Variants in KDM4B observed in about 807,000 individuals in gnomAD.
KDM4B encodes lysine demethylase 4B, also known as lysine-specific demethylase 4B.
A neutral mutation model predicts 125.2 loss-of-function variants in KDM4B; 32 were observed. The ratio of observed to expected loss-of-function variants is 0.26; its 90% CI spans 0.19 to 0.34. The LOEUF is 0.34. KDM4B is among the 10% of genes least tolerant of loss of function. The pLI, the probability that KDM4B is intolerant of heterozygous loss-of-function variation, is 1.00. For synonymous variants in KDM4B, 721 were observed against 677.9 expected, an observed-to-expected ratio of 1.06 and a Z score of -0.99; for missense variants, 1,190 against 1,577.7, an observed-to-expected ratio of 0.75 and a Z score of 4.16.
intron 6 of KDM4B, among the ~76,000 whole-genome samples, chr19:5,054,951 T>G (rs2037349911): frequency 6.6e-6 from 1 of 152,236 alleles, no homozygotes; most frequent in African/African-American, 2.4e-5. Context: ...GAAGCTGGCT[T>G]TGGCGTTCAA....
chr19:5,044,640 T>C (rs1460896343), intron 5 of KDM4B, among the ~76,000 whole-genome samples: 2 of 152,130 alleles, frequency 1.3e-5, no homozygotes, highest in African/African-American at 4.8e-5. Flanking sequence ...CCTTGCCTCC[T>C]GGGTTCAAGC....
chr19:5,143,772 G>A (rs1209425078), intron 18 of KDM4B, among the ~76,000 whole-genome samples, 195 bp from the exon 19 acceptor site: 2 of 152,190 alleles, frequency 1.3e-5, no homozygotes, highest in African/African-American at 2.4e-5. Flanking sequence ...CAGGAGGCTG[G>A]GTCAGTGGGT....
intron 6 of KDM4B, among the ~76,000 whole-genome samples, chr19:5,049,125 G>A (rs1008094634): frequency 1.2e-4 from 18 of 152,178 alleles, no homozygotes; most frequent in Non-Finnish European, 4.4e-5. Context: ...GGGCCTCTGC[G>A]GGAGGAGGCG....
chr19:5,016,845 C>T (rs187962937), intron 2 of KDM4B, among the ~76,000 whole-genome samples: 1 of 152,336 alleles, frequency 6.6e-6, no homozygotes, highest in Non-Finnish European at 1.5e-5. Context: ...TTGTGCCTTT[C>T]TTATAAGCCG....
At chr19:5,128,343 C>T (rs983481297) in intron 11 of KDM4B, among the ~76,000 whole-genome samples, 2 of 152,196 alleles carry the variant, frequency 1.3e-5, no homozygotes, top group African/African-American at 4.8e-5. Flanking sequence ...CTGAGACCAT[C>T]GATGCCCCAG....
intron 6 of KDM4B, 37 bp downstream of exon 6, chr19:5,047,706 G>A (rs772692299): frequency 2.6e-5 from 41 of 1,597,786 alleles, no homozygotes; most frequent in Non-Finnish European, 3.2e-5. Context: ...CGGCCGGACC[G>A]AGAGCCCCTC....
At chr19:5,138,503 A>C in intron 18 of KDM4B, 1 of 169,378 alleles carries the variant, frequency 5.9e-6, no homozygotes. Flanking sequence ...AAAAATAAAA[A>C]ACACTAGCTG....
chr19:4,989,631 A>G (rs1599366229), intron 1 of KDM4B, among the ~76,000 whole-genome samples: 2 of 149,802 alleles, frequency 1.3e-5, no homozygotes, highest in Non-Finnish European at 3.0e-5. Flanking sequence ...ATGAGCCACC[A>G]TGCCCAGTCT....
chr19:5,121,529 A>G (rs930606455), intron 11 of KDM4B, among the ~76,000 whole-genome samples: 1 of 152,080 alleles, frequency 6.6e-6, no homozygotes, highest in African/African-American at 2.4e-5. Flanking sequence ...CAGAAACCCA[A>G]TCTCGCCCCT....
At chr19:5,067,414 G>A (rs1276802811) in intron 6 of KDM4B, among the ~76,000 whole-genome samples, 2 of 152,236 alleles carry the variant, frequency 1.3e-5, no homozygotes, top group African/African-American at 4.8e-5. Flanking sequence ...GGCTTAGGGA[G>A]AGCTGATGGC....
At chr19:5,104,451 A>G (rs921307113) in intron 9 of KDM4B, among the ~76,000 whole-genome samples, 1 of 152,044 alleles carries the variant, frequency 6.6e-6, no homozygotes, top group East Asian at 1.9e-4. Flanking sequence ...TTTTATGGCC[A>G]CAATTGCAGA....
At chr19:5,024,519 G>A (rs747110539) in intron 2 of KDM4B, among the ~76,000 whole-genome samples, 1 of 152,120 alleles carries the variant, frequency 6.6e-6, no homozygotes, top group Non-Finnish European at 1.5e-5. Flanking sequence ...CAGAGGAGCT[G>A]TCCAGGACAG....
intron 1 of KDM4B, among the ~76,000 whole-genome samples, chr19:5,004,020 G>A (rs896290343): frequency 6.6e-6 from 1 of 152,112 alleles, no homozygotes; most frequent in Non-Finnish European, 1.5e-5. Flanking sequence ...GTCCTGTTTC[G>A]TGTTATTTTT....
Position 5,153,196 on chromosome 19 carries a change from C to CCGGGGT in KDM4B, c.*1691_*1696dup, listed in dbSNP as rs2039976814. 6.6e-6 allele frequency: 1 copy of CCGGGGT among 150,724 alleles called. No homozygotes were observed. Among genetic ancestry groups the CCGGGGT allele is most frequent in the Non-Finnish European group, 1.5e-5 (1 of 67,720 alleles). The allele number at this position is 150,724 out of a possible 1,614,324, so 9.3% of individuals were successfully genotyped here. A position where few individuals can be genotyped will look rare whatever the true frequency, so the allele number is the denominator to read the frequency against. ...AGGGGGGCGGTTGCCCTGGAGAGGG[C>CCGGGGT]CGGGGTCGGGGAGGTTGGGGGGTGT... On this transcript the variant is annotated 3_prime_UTR_variant, in exon 23 of 23. Transcript: ENST00000159111.
intron 6 of KDM4B, among the ~76,000 whole-genome samples, chr19:5,064,948 C>T (rs1386568369): frequency 2.0e-5 from 3 of 152,236 alleles, no homozygotes; most frequent in East Asian, 1.9e-4. Flanking sequence ...CATTGCCTGC[C>T]CATGGCTGGC....
chr19:4,986,212 C>G (rs996269838), intron 1 of KDM4B, among the ~76,000 whole-genome samples: 1 of 152,196 alleles, frequency 6.6e-6, no homozygotes, highest in Non-Finnish European at 1.5e-5. Context: ...ATGTCTGCGG[C>G]CTCACAGGGG....
rs1316495606 is a variant in KDM4B, at chr19:4,969,250, G to T, written c.-109+20G>T. The T allele has an allele frequency of 6.8e-6, 1 of 147,434 alleles. No homozygotes were observed. The highest frequency in any genetic ancestry group is 2.4e-5 in the African/African-American group (1 of 40,900). The allele number at this position is 147,434 out of a possible 1,614,324, so 9.1% of individuals were successfully genotyped here. Reference sequence around the variant, plus strand: ...CCTCAGGTGAGCCCACGGGGAGGCCGCCCGGCCGTGTCCGAGCGCGGACCC... The same window carrying T: ...CCTCAGGTGAGCCCACGGGGAGGCCTCCCGGCCGTGTCCGAGCGCGGACCC... On this transcript the variant is annotated intron_variant, in intron 1 of 22. Coordinates refer to ENST00000159111, the MANE Select transcript of KDM4B (RefSeq NM_015015.3).
intron 1 of KDM4B, among the ~76,000 whole-genome samples, chr19:4,976,021 G>A (rs1388699065): frequency 6.6e-6 from 1 of 151,514 alleles, no homozygotes; most frequent in Admixed American, 6.6e-5. Context: ...AGGCCGAGGC[G>A]GGTGGATCAC....
At position 5,035,880 on chromosome 19, in the gene KDM4B, T is replaced by TGTGTGTGTGTGTGTGC. The variant is rs58219404; in HGVS notation, c.141+2850_141+2851insTGTGTGTGTGTGTGCG. On this transcript the variant is annotated intron_variant, in intron 3 of 22. Transcript: ENST00000159111. This position sits in a 1 kb window ranked among gnomAD's most constrained non-coding sequence, Gnocchi z 5.3. ...ACGTGTCTCTGTGTGTGTGTGTGTG[T>TGTGTGTGTGTGTGTGC]GCGCGCGCGCGCGCGCCTGCGCGCA... is the stretch of plus-strand genomic sequence containing the variant. 7.2e-3 allele frequency among the ~76,000 whole-genome samples: 986 copies of TGTGTGTGTGTGTGTGC among 136,458 alleles called. 24 individuals carry two copies. Among genetic ancestry groups the TGTGTGTGTGTGTGTGC allele is most frequent in the Admixed American group, 0.05 (714 of 14,214 alleles). The allele number at this position is 136,458 out of a possible 152,430, so 89.5% of individuals were successfully genotyped here.
Sources: gnomAD v4.1 joint callset for allele counts (sites outside exome capture counted in the v4.1 genomes callset) on GRCh38, gnomAD v4.1.1 for gene constraint, Gnocchi (gnomAD v3.1) non-coding constraint, MANE v1.5 for transcripts, NCBI Gene and HGNC (gene_info 2026-07-23, HGNC 2026-07-21) for gene names.